Variants in CFDP1 observed in about 807,000 individuals in gnomAD.
CFDP1 encodes heterochromatin-stabilizing protein CFDP1.
CFDP1 carries 31 observed loss-of-function variants against 40.1 expected under a neutral mutation model. That is an observed-to-expected ratio of 0.77 (90% CI 0.58 to 1.04). The LOEUF is 1.04. CFDP1 is among the 50% of genes least tolerant of loss of function. The probability of loss-of-function intolerance (pLI) is 0.00; values close to 1 mark genes in which losing one functional copy is unlikely to be tolerated. For missense variants in CFDP1, 423 were observed against 343.4 expected (o/e 1.23, Z -1.83); for synonymous variants, 167 against 120.0 (o/e 1.39, Z -2.56).
At chr16:75,347,275 C>T (rs573687403) in intron 5 of CFDP1, among the ~76,000 whole-genome samples, 3 of 130,464 alleles carry the variant, frequency 2.3e-5, no homozygotes, top group Non-Finnish European at 3.1e-5. Context: ...ACCCAGGAGG[C>T]GGAGGTTACA....
At chr16:75,378,506 T>C (rs1167973918) in intron 5 of CFDP1, among the ~76,000 whole-genome samples, 1 of 152,100 alleles carries the variant, frequency 6.6e-6, no homozygotes, top group Non-Finnish European at 1.5e-5. Context: ...TGATCATTAA[T>C]AAAAGCTATT....
chr16:75,314,676 T>C (rs2078313545), intron 5 of CFDP1, among the ~76,000 whole-genome samples: 1 of 152,224 alleles, frequency 6.6e-6, no homozygotes, highest in African/African-American at 2.4e-5. Flanking sequence ...ACTCTTTCTC[T>C]AGGTACTGGA....
chr16:75,432,810 G>A (rs923713004), intron 1 of CFDP1, among the ~76,000 whole-genome samples: 2 of 152,184 alleles, frequency 1.3e-5, no homozygotes, highest in Admixed American at 6.5e-5. Context: ...ATGGGTGGAC[G>A]TCACAATGAG....
intron 5 of CFDP1, 169 bp from the exon 6 acceptor site, chr16:75,305,351 C>T: frequency 1.6e-6 from 1 of 638,068 alleles, no homozygotes; most frequent in Non-Finnish European, 2.7e-6. Context: ...TGTAAGTAAA[C>T]TGGAATTCTA....
At chr16:75,322,170 T>C (rs1567645077) in intron 5 of CFDP1, among the ~76,000 whole-genome samples, 1 of 152,240 alleles carries the variant, frequency 6.6e-6, no homozygotes, top group African/African-American at 2.4e-5. Flanking sequence ...CATGCATACA[T>C]TTTGTAAGAA....
chr16:75,392,814 C>T (rs2078963256), intron 5 of CFDP1, among the ~76,000 whole-genome samples: 1 of 152,196 alleles, frequency 6.6e-6, no homozygotes, highest in Admixed American at 6.5e-5. Context: ...AGAGTATTAA[C>T]AGGGCCAGGT....
chr16:75,365,092 T>C (rs1458800796), intron 5 of CFDP1, among the ~76,000 whole-genome samples: 3 of 152,218 alleles, frequency 2.0e-5, no homozygotes, highest in East Asian at 1.9e-4. Flanking sequence ...TGTTTTTCCA[T>C]AGCATCTTAA....
intron 5 of CFDP1, among the ~76,000 whole-genome samples, chr16:75,348,278 G>A (rs1277946076): frequency 3.3e-5 from 5 of 152,170 alleles, no homozygotes; most frequent in African/African-American, 1.2e-4. Context: ...CTGCAGGTGT[G>A]AACCATGCTT....
intron 5 of CFDP1, among the ~76,000 whole-genome samples, chr16:75,310,427 A>T (rs1023783424): frequency 5.3e-5 from 8 of 152,252 alleles, no homozygotes; most frequent in Non-Finnish European, 1.0e-4. Flanking sequence ...GAAAAGTAAA[A>T]GAGACACAGA....
chr16:75,318,634 G>C lies in CFDP1; in HGVS notation c.651-13452C>G, dbSNP rs1040139912. Reference sequence around the variant, plus strand: ...TTAGCCAGGATGGTCTCGATCTCCTGACCTTGTGATCCGCCCGCCTTGGCC... The same window carrying C: ...TTAGCCAGGATGGTCTCGATCTCCTCACCTTGTGATCCGCCCGCCTTGGCC... On this transcript the variant is annotated intron_variant, in intron 5 of 6. Coordinates refer to ENST00000283882, the MANE Select transcript of CFDP1 (RefSeq NM_006324.3). Among the ~76,000 whole-genome samples, 4 of 152,058 alleles carry C rather than the reference G, an allele frequency of 2.6e-5. No individual in the cohort carries two copies. In the East Asian group the frequency reaches 5.8e-4, roughly 22 times the overall value.
intron 5 of CFDP1, among the ~76,000 whole-genome samples, chr16:75,345,206 C>T (rs1488531079): frequency 6.6e-6 from 1 of 152,060 alleles, no homozygotes; most frequent in Non-Finnish European, 1.5e-5. Context: ...CCTATAATCC[C>T]AGCACTTTGG....
At chr16:75,302,000 G>C (rs769712164) in intron 6 of CFDP1, 9 of 152,358 alleles carry the variant, frequency 5.9e-5, no homozygotes, top group African/African-American at 2.2e-4. Context: ...AGAGCCAGTA[G>C]ATCTGCACTG....
chr16:75,407,495 C>A (rs912271780), intron 4 of CFDP1, among the ~76,000 whole-genome samples: 1 of 148,904 alleles, frequency 6.7e-6, no homozygotes, highest in Non-Finnish European at 1.5e-5. Flanking sequence ...CTGGGCAACA[C>A]AGTGAGATGA....
At chr16:75,393,737 CAAAAA>C (rs61344775) in intron 5 of CFDP1, among the ~76,000 whole-genome samples, 1 of 80,616 alleles carries the variant, frequency 1.2e-5, no homozygotes, top group African/African-American at 5.8e-5. Context: ...GACTCCGTCG[CAAAAA>C]AAAAAAAAAA....
chr16:75,414,915 C>G (rs1235247135), intron 1 of CFDP1, among the ~76,000 whole-genome samples: 1 of 152,204 alleles, frequency 6.6e-6, no homozygotes, highest in Non-Finnish European at 1.5e-5. Flanking sequence ...ATGGCAGTCT[C>G]TATTTCCCCT....
intron 6 of CFDP1, among the ~76,000 whole-genome samples, chr16:75,304,776 G>A (rs746818725): frequency 1.3e-5 from 2 of 152,172 alleles, no homozygotes; most frequent in African/African-American, 2.4e-5. Flanking sequence ...AATTCAGCTT[G>A]GCAGATGTGA....
chr16:75,386,263 C>T (rs2078897135), intron 5 of CFDP1, among the ~76,000 whole-genome samples: 1 of 152,180 alleles, frequency 6.6e-6, no homozygotes, highest in African/African-American at 2.4e-5. Context: ...AAATAAAGTT[C>T]ATCTCTTCAT....
chr16:75,382,123 GAA>G (rs78588129), intron 5 of CFDP1, among the ~76,000 whole-genome samples: 2 of 80,810 alleles, frequency 2.5e-5, no homozygotes, highest in Admixed American at 1.3e-4. Flanking sequence ...TCTCAAAAAA[GAA>G]AAAAAAAAAA....
At chr16:75,417,563 G>A (rs11149831) in intron 1 of CFDP1, among the ~76,000 whole-genome samples, 88,185 of 152,048 alleles carry the variant, frequency 0.58, 26,821 homozygotes, top group Admixed American at 0.71. Context: ...TGGAAAAAGC[G>A]ACACTAGAAG....
Sources: allele counts gnomAD v4.1 joint callset (sites outside exome capture counted in the v4.1 genomes callset), GRCh38; gene constraint gnomAD v4.1.1; transcripts MANE v1.5; gene names NCBI Gene and HGNC (gene_info 2026-07-23, HGNC 2026-07-21).